Variants in RANBP2 observed in about 807,000 individuals in gnomAD.
RANBP2 encodes the protein E3 SUMO-protein ligase RanBP2.
Under a neutral mutation model 303.6 loss-of-function variants are expected in RANBP2, and 57 were observed. The observed-to-expected ratio is 0.19, with a 90% CI of 0.15 to 0.23. RANBP2 has a LOEUF of 0.23. Among genes scored for constraint, RANBP2 ranks in the 10% least tolerant of loss-of-function variants. RANBP2 has a pLI of 1.00. For missense variants in RANBP2, 3,138 were observed against 3,780.8 expected, an observed-to-expected ratio of 0.83 and a Z score of 4.46; for synonymous variants, 1,167 against 1,301.5, an observed-to-expected ratio of 0.90 and a Z score of 2.23.
At chr2:109,107,583 TACTC>T in the RANBP2 span, among the ~76,000 whole-genome samples, 1 of 152,310 alleles carries the variant, frequency 6.6e-6, no homozygotes, top group East Asian at 1.9e-4. Flanking sequence ...CCATGGTTCT[TACTC>T]CTTTATAGGG....
chr2:109,569,064 T>C, the RANBP2 span, among the ~76,000 whole-genome samples: 12 of 152,280 alleles, frequency 7.9e-5, no homozygotes, highest in African/African-American at 2.6e-4. Flanking sequence ...AGTTTGTTTT[T>C]CATCAAAAAC....
At chr2:109,455,342 C>T in the RANBP2 span, among the ~76,000 whole-genome samples, 2 of 152,198 alleles carry the variant, frequency 1.3e-5, no homozygotes, top group Non-Finnish European at 2.9e-5. Flanking sequence ...CAATGAATCA[C>T]TTACCAGTCC....
chr2:108,770,338 G>GA (rs1439320351), intron 20 of RANBP2, among the ~76,000 whole-genome samples: 3 of 152,214 alleles, frequency 2.0e-5, no homozygotes, highest in African/African-American at 4.8e-5. Context: ...CTCCTAGCTA[G>GA]AAAATGATAC....
the RANBP2 span, among the ~76,000 whole-genome samples, chr2:108,982,313 G>T: frequency 1.3e-5 from 2 of 152,222 alleles, no homozygotes; most frequent in African/African-American, 4.8e-5. Context: ...AACCCAGGGA[G>T]GTGGGTGGAA....
chr2:108,865,011 C>T, the RANBP2 span, among the ~76,000 whole-genome samples: 1 of 151,948 alleles, frequency 6.6e-6, no homozygotes, highest in Non-Finnish European at 1.5e-5. Flanking sequence ...TTCAAAAGTA[C>T]AAAAGTGAAA....
At chr2:109,227,781 C>G in the RANBP2 span, among the ~76,000 whole-genome samples, 1 of 152,208 alleles carries the variant, frequency 6.6e-6, no homozygotes, top group Non-Finnish European at 1.5e-5. Context: ...TAGGTCACCC[C>G]CCAGCCAACT....
chr2:109,766,340 T>C, the RANBP2 span, among the ~76,000 whole-genome samples: 7,433 of 104,894 alleles, frequency 0.071, 134 homozygotes, highest in Non-Finnish European at 0.071. Context: ...GCTCAGCCCT[T>C]GTGTGGGGCG....
At chr2:108,721,421 A>G (rs1694236170) in intron 1 of RANBP2, among the ~76,000 whole-genome samples, 1 of 152,136 alleles carries the variant, frequency 6.6e-6, no homozygotes, top group Admixed American at 6.6e-5. Context: ...GTAACTCCTG[A>G]AATTAAAGAC....
the RANBP2 span, among the ~76,000 whole-genome samples, chr2:108,796,581 G>C: frequency 6.6e-6 from 1 of 152,170 alleles, no homozygotes; most frequent in Non-Finnish European, 1.5e-5. Context: ...GTCAGTCTCA[G>C]TGTCCATTGG....
At chr2:109,564,579 C>A in the RANBP2 span, 1 of 1,428,142 alleles carries the variant, frequency 7.0e-7, no homozygotes, top group Non-Finnish European at 9.3e-7. Context: ...GATTTTAATT[C>A]CTGGCACACA....
chr2:109,096,349 G>T, the RANBP2 span, among the ~76,000 whole-genome samples: 1 of 152,020 alleles, frequency 6.6e-6, no homozygotes, highest in African/African-American at 2.4e-5. Context: ...TTCTAATATG[G>T]TTCAGTATAT....
the RANBP2 span, among the ~76,000 whole-genome samples, chr2:109,420,687 C>T: frequency 4.1e-4 from 62 of 152,248 alleles, no homozygotes; most frequent in South Asian, 1.2e-3. Context: ...TCTCGTGATC[C>T]GCCCGCCTTG....
At chr2:109,294,579 A>G in the RANBP2 span, among the ~76,000 whole-genome samples, 1 of 121,472 alleles carries the variant, frequency 8.2e-6, no homozygotes, top group East Asian at 2.4e-4. Flanking sequence ...AAAATTAATT[A>G]AAAAAAAGGT....
the RANBP2 span, among the ~76,000 whole-genome samples, chr2:109,675,811 A>G: frequency 6.6e-6 from 1 of 152,182 alleles, no homozygotes; most frequent in Non-Finnish European, 1.5e-5. Flanking sequence ...CTGTTTGACA[A>G]CTGTGGAGCA....
the RANBP2 span, among the ~76,000 whole-genome samples, chr2:109,086,301 T>C: frequency 6.6e-6 from 1 of 152,150 alleles, no homozygotes; most frequent in Non-Finnish European, 1.5e-5. Context: ...TAAAGGCACT[T>C]GTTCATTCCT....
At chr2:108,908,799 A>G in the RANBP2 span, among the ~76,000 whole-genome samples, 3 of 152,192 alleles carry the variant, frequency 2.0e-5, no homozygotes, top group Non-Finnish European at 2.9e-5. Context: ...TTCTTAAAAA[A>G]AGGATTATAT....
the RANBP2 span, among the ~76,000 whole-genome samples, chr2:109,473,375 G>T: frequency 1.3e-5 from 2 of 152,166 alleles, no homozygotes; most frequent in African/African-American, 4.8e-5. Flanking sequence ...TCAGAATAGG[G>T]CGTGCTCTGA....
chr2:109,555,600 A>C, the RANBP2 span, among the ~76,000 whole-genome samples: 2 of 152,236 alleles, frequency 1.3e-5, no homozygotes, highest in Non-Finnish European at 2.9e-5. Flanking sequence ...TCTGCCATCC[A>C]GAAGGAATGC....
At chr2:109,405,516 C>A in the RANBP2 span, among the ~76,000 whole-genome samples, 1 of 152,136 alleles carries the variant, frequency 6.6e-6, no homozygotes, top group Non-Finnish European at 1.5e-5. Flanking sequence ...CTGCTCTGGC[C>A]CTGGTCCATT....
Sources: allele counts gnomAD v4.1 joint callset (sites outside exome capture counted in the v4.1 genomes callset), GRCh38; gene constraint gnomAD v4.1.1; transcripts MANE v1.5; gene names NCBI Gene and HGNC (gene_info 2026-07-23, HGNC 2026-07-21).